Variants in RHD observed in about 807,000 individuals in gnomAD.
RHD encodes the protein blood group Rh(D) polypeptide.
Under a neutral mutation model 45.5 loss-of-function variants are expected in RHD, and 16 were observed. The ratio of observed to expected loss-of-function variants is 0.35; its 90% CI spans 0.24 to 0.53. RHD has a LOEUF of 0.53. Ranked by LOEUF, RHD falls within the 20% of genes least tolerant of loss-of-function variation. The pLI is 0.92. For synonymous variants in RHD, 131 were observed against 217.5 expected (o/e 0.60, Z 3.50); for missense variants, 306 against 532.0 (o/e 0.58, Z 4.18).
At chr1:25,274,898 T>G (rs1283039187) in intron 1 of RHD, among the ~76,000 whole-genome samples, 1 of 130,780 alleles carries the variant, frequency 7.6e-6, no homozygotes, top group African/African-American at 2.6e-5. Flanking sequence ...TCCGAGCTAC[T>G]TGGGAGGCCA....
rs768516914 is a variant in RHD at position 25,303,353 on chromosome 1, G to A, written c.833G>A (p.Gly278Asp). 3.6e-6 allele frequency: 5 copies of A among 1,372,120 alleles called. 1 individual carries two copies. Among genetic ancestry groups the A allele is most frequent in the Admixed American group, 3.6e-5 (2 of 56,270 alleles). The allele number at this position is 1,372,120 out of a possible 1,614,324, so 85.0% of individuals were successfully genotyped here. The stretch of plus-strand genomic sequence containing the variant: ...GTGCACAGTGCGGTGTTGGCAGGAG[G>A]CGTGGCTGTGGGTACCTCGTGTCAC... The part of the protein sequence containing the change: ...TYVHSAVLAG[G>D]VAVGTSCHLI... The change falls in exon 6 of 10, where the codon GGC (glycine) becomes GAC (aspartate). Residue 278 changes from glycine (G) to aspartate (D), a missense_variant. Gly to Asp is a moderately conservative substitution (Grantham distance 94). Transcript: ENST00000328664.
intron 2 of RHD, 136 bp downstream of exon 2, chr1:25,284,895 C>A (rs1344418944): frequency 5.4e-5 from 58 of 1,066,346 alleles, no homozygotes; most frequent in Non-Finnish European, 7.2e-5. Context: ...CATCCTTATA[C>A]TAAAAGATTA....
At position 25,287,310 on chromosome 1, in the gene RHD, C is replaced by T. The variant is rs1270127865; in HGVS notation, c.335+2551C>T. On this transcript the variant is annotated intron_variant, in intron 2 of 9. Coordinates refer to ENST00000328664, the MANE Select transcript of RHD (RefSeq NM_016124.6). ...CCTGCCCCACAGTCTAGGGCTGCTC[C>T]CCTCATCTGATGTCCACAGGGACCT... is the stretch of plus-strand genomic sequence containing the variant. 9.7e-5 allele frequency among the ~76,000 whole-genome samples: 13 copies of T among 133,860 alleles called. 1 individual carries two copies. The highest frequency in any genetic ancestry group is 3.3e-4 in the African/African-American group (13 of 39,036). The allele number at this position is 133,860 out of a possible 152,430, so 87.8% of individuals were successfully genotyped here.
In RHD at chr1:25,301,035, C is replaced by A; in HGVS notation, c.576C>A (p.Pro192=). The part of the protein sequence containing the change: ...SVAWCLPKPL[P]EGTEDKDQTA... ...CCTGGTGCCTGCCAAAGCCTCTACC[C>A]GAGGGAACGGAGGATAAAGATCAGA... is the stretch of plus-strand genomic sequence containing the variant. The change falls in exon 4 of 10, where the codon CCC becomes CCA. Residue 192 remains proline (P), a synonymous_variant. Transcript: ENST00000328664. The A allele has an allele frequency of 7.3e-7, 1 of 1,377,590 alleles. No individual in the cohort carries two copies. Among genetic ancestry groups the A allele is most frequent in the African/African-American group, 1.4e-5 (1 of 69,696 alleles). 85.3% of individuals were successfully genotyped at this position (1,377,590 alleles called of 1,614,324 possible).
rs187405081 is a variant in RHD at position 25,282,345 on chromosome 1, C to T, written c.149-2228C>T. 5.8e-4 allele frequency among the ~76,000 whole-genome samples: 76 copies of T among 131,528 alleles called. 13 individuals are homozygous for T. Among genetic ancestry groups the T allele is most frequent in the African/African-American group, 1.7e-3 (67 of 38,658 alleles). The allele number at this position is 131,528 out of a possible 152,430, so 86.3% of individuals were successfully genotyped here. ...TGCCTCCCGGGTTCAAGCGATTCTC[C>T]TGCCTGCCTCCCGAGTAGCTGGGAT... is the stretch of plus-strand genomic sequence containing the variant. On this transcript the variant is annotated intron_variant, in intron 1 of 9. Transcript: ENST00000328664.
At chr1:25,282,044 A>T (rs1229706105) in intron 1 of RHD, among the ~76,000 whole-genome samples, 1 of 131,610 alleles carries the variant, frequency 7.6e-6, no homozygotes, top group Non-Finnish European at 1.8e-5. Context: ...TGTCATGATG[A>T]TGTTGATGAA....
rs750571214 is a variant in RHD at position 25,303,480 on chromosome 1, C to A, written c.939+21C>A. 3 of 1,378,544 alleles carry A rather than the reference C, an allele frequency of 2.2e-6. 1 individual carries two copies. Among genetic ancestry groups the A allele is most frequent in the African/African-American group, 2.8e-5 (2 of 70,282 alleles). The allele number at this position is 1,378,544 out of a possible 1,614,324, so 85.4% of individuals were successfully genotyped here. A position where few individuals can be genotyped will look rare whatever the true frequency, so the allele number is the denominator to read the frequency against. ...TGCCGGTAAGAAACTAGACAACTAA[C>A]CTCCTCTGCTTTGGCTGAAGGCCAG... On this transcript the variant is annotated intron_variant, in intron 6 of 9. Coordinates refer to ENST00000328664, the MANE Select transcript of RHD (RefSeq NM_016124.6).
In RHD at chr1:25,302,249, C is replaced by T. The variant is rs541013633; in HGVS notation, c.801+563C>T. ...AGCTGCTGCTATTAGTAAAGAGAGA[C>T]GATGGTGTGTGTGAGTCTTGTGGGC... On this transcript the variant is annotated intron_variant, in intron 5 of 9. Coordinates refer to ENST00000328664, the MANE Select transcript of RHD (RefSeq NM_016124.6). 2.6e-4 allele frequency among the ~76,000 whole-genome samples: 33 copies of T among 129,306 alleles called. 8 individuals are homozygous for T. The highest frequency in any genetic ancestry group is 8.2e-3 in the Middle Eastern group (2 of 244). The allele number at this position is 129,306 out of a possible 152,430, so 84.8% of individuals were successfully genotyped here.
At chr1:25,286,289 G>A (rs1231284433) in intron 2 of RHD, among the ~76,000 whole-genome samples, 1 of 135,458 alleles carries the variant, frequency 7.4e-6, no homozygotes, top group Non-Finnish European at 1.8e-5. Flanking sequence ...AGAAGTTTAA[G>A]ACCAGCCTGA....
Position 25,306,726 on chromosome 1 carries a change from G to A in RHD, c.1070G>A (p.Gly357Asp), listed in dbSNP as rs371135217. 6.0e-5 allele frequency: 82 copies of A among 1,377,078 alleles called. 28 individuals carry two copies. The highest frequency in any genetic ancestry group is 7.6e-5 in the Non-Finnish European group (74 of 978,190). 85.3% of individuals were successfully genotyped at this position (1,377,078 alleles called of 1,614,324 possible). The change falls in exon 7 of 10, where the codon GGC (glycine) becomes GAC (aspartate). Residue 357 changes from glycine to aspartate, a missense_variant. Gly to Asp is a moderately conservative substitution (Grantham distance 94). Coordinates refer to ENST00000328664, the MANE Select transcript of RHD (RefSeq NM_016124.6). ...CTTGATACCGTCGGAGCCGGCAATG[G>A]CATGTGGGTCACTGGGCTTACCCCC... ...LVLDTVGAGN[G>D]MIGFQVLLSI...
rs549965832 is a variant in RHD, at chr1:25,278,535, G to A, written c.148+5840G>A. 9.1e-5 allele frequency among the ~76,000 whole-genome samples: 12 copies of A among 131,574 alleles called. No homozygotes were observed. The East Asian group carries it at 2.4e-3, about 26-fold the overall frequency. The allele number at this position is 131,574 out of a possible 152,430, so 86.3% of individuals were successfully genotyped here. On this transcript the variant is annotated intron_variant, in intron 1 of 9. Transcript: ENST00000328664. ...GGGTCATTCATGCATCTGCAGTTTG[G>A]GGTGGGATGGCCTCAGATGACCTCA...
Position 25,282,087 on chromosome 1 carries a change from C to T in RHD, c.149-2486C>T, listed in dbSNP as rs139787670. On this transcript the variant is annotated intron_variant, in intron 1 of 9. Transcript: ENST00000328664. ...TATTTATTGAGCGTTCTCCATGTGC[C>T]AGTCACTGTACTAAACATTATTTCC... Among the ~76,000 whole-genome samples, 35 of 131,884 alleles carry T rather than the reference C, an allele frequency of 2.7e-4. 9 individuals are homozygous for T. Among genetic ancestry groups the T allele is most frequent in the East Asian group, 1.6e-3 (8 of 5,130 alleles). 86.5% of individuals were successfully genotyped at this position (131,884 alleles called of 152,430 possible).
At chr1:25,321,489 C>T (rs1181673002) in intron 8 of RHD, among the ~76,000 whole-genome samples, 2 of 110,702 alleles carry the variant, frequency 1.8e-5, no homozygotes, top group Admixed American at 1.8e-4. Flanking sequence ...GGTGAAACTC[C>T]ATCTCTACTA....
At chr1:25,287,211 T>TG (rs1312386873) in intron 2 of RHD, among the ~76,000 whole-genome samples, 1 of 135,440 alleles carries the variant, frequency 7.4e-6, no homozygotes, top group African/African-American at 2.5e-5. Flanking sequence ...AAGGGCACCC[T>TG]GGGGGATTTC....
Position 25,286,555 on chromosome 1 carries a change from G to A in RHD, c.335+1796G>A, listed in dbSNP as rs984548129. 3.7e-5 allele frequency among the ~76,000 whole-genome samples: 5 copies of A among 134,998 alleles called. 1 individual carries two copies. The highest frequency in any genetic ancestry group is 1.3e-4 in the African/African-American group (5 of 39,036). The allele number at this position is 134,998 out of a possible 152,430, so 88.6% of individuals were successfully genotyped here. A position where few individuals can be genotyped will look rare whatever the true frequency, so the allele number is the denominator to read the frequency against. ...TAATCCCAGCACTTTGGGAGGCCAA[G>A]GCGGGGGGATCATGAGGTCAGGAGA... On this transcript the variant is annotated intron_variant, in intron 2 of 9. Coordinates refer to ENST00000328664, the MANE Select transcript of RHD (RefSeq NM_016124.6).
intron 5 of RHD, 73 bp downstream of exon 5, chr1:25,301,759 C>T: frequency 9.2e-7 from 1 of 1,087,496 alleles, no homozygotes; most frequent in Non-Finnish European, 1.4e-6. Context: ...CCCCTCCCCA[C>T]CCCAGGGCCA....
chr1:25,304,352 G>C (rs376642337), intron 6 of RHD: 1 of 122,052 alleles, frequency 8.2e-6, no homozygotes, highest in Non-Finnish European at 1.9e-5. Context: ...TGGCTCACGC[G>C]CTTTGGGAGG....
At chr1:25,312,948 A>C (rs1367352316) in intron 7 of RHD, among the ~76,000 whole-genome samples, 7 of 110,684 alleles carry the variant, frequency 6.3e-5, no homozygotes, top group South Asian at 2.9e-4. Flanking sequence ...AAAAAAAAAA[A>C]AAAAAAACTT....
In RHD at chr1:25,293,011, G is replaced by A. The variant is rs1426851021; in HGVS notation, c.486+2220G>A. 6.2e-5 allele frequency among the ~76,000 whole-genome samples: 8 copies of A among 128,224 alleles called. 2 individuals carry two copies. The highest frequency in any genetic ancestry group is 2.2e-4 in the African/African-American group (8 of 36,930). 84.1% of individuals were successfully genotyped at this position (128,224 alleles called of 152,430 possible). A position where few individuals can be genotyped will look rare whatever the true frequency, so the allele number is the denominator to read the frequency against. ...CCAGGTGGGCTGAATGCTGCTGAGA[G>A]GTCAAGTCGGATGAGGGCTGGGAAG... is the stretch of plus-strand genomic sequence containing the variant. On this transcript the variant is annotated intron_variant, in intron 3 of 9. Transcript: ENST00000328664.
Sources: gnomAD v4.1 joint callset for allele counts (sites outside exome capture counted in the v4.1 genomes callset) on GRCh38, gnomAD v4.1.1 for gene constraint, MANE v1.5 for transcripts, NCBI Gene and HGNC (gene_info 2026-07-23, HGNC 2026-07-21) for gene names.